The following LDLRAD4 variants were observed in gnomAD, a reference collection of about 807,000 sequenced individuals.
LDLRAD4 encodes the protein low density lipoprotein receptor class A domain containing 4.
Under a neutral mutation model 17.0 loss-of-function variants are expected in LDLRAD4, and 5 were observed. That is an observed-to-expected ratio of 0.29 (90% CI 0.15 to 0.62). LDLRAD4 has a LOEUF of 0.62. Among genes scored for constraint, LDLRAD4 ranks in the 20% least tolerant of loss-of-function variants. The pLI, the probability that LDLRAD4 is intolerant of heterozygous loss-of-function variation, is 0.84. For synonymous variants in LDLRAD4, 168 were observed against 171.8 expected (o/e 0.98, Z 0.17); for missense variants, 340 against 424.7 (o/e 0.80, Z 1.75).
At chr18:13,413,913 AT>A (rs1344542039) in intron 2 of LDLRAD4, among the ~76,000 whole-genome samples, 147 of 150,528 alleles carry the variant, frequency 9.8e-4, no homozygotes, top group African/African-American at 2.1e-3. Flanking sequence ...AAAAAAAAAA[AT>A]TTTTTTTTAA....
chr18:13,597,066 C>T (rs1340023049), intron 3 of LDLRAD4, among the ~76,000 whole-genome samples: 1 of 152,170 alleles, frequency 6.6e-6, no homozygotes, highest in Non-Finnish European at 1.5e-5. Flanking sequence ...TTGCTTTCAA[C>T]CTAAAGAAAT....
chr18:13,513,326 C>T (rs116902067), intron 3 of LDLRAD4, among the ~76,000 whole-genome samples: 7,634 of 152,294 alleles, frequency 0.05, 274 homozygotes, highest in Non-Finnish European at 0.074. Flanking sequence ...TGCTTCAGAA[C>T]ACATTTAGAG....
chr18:13,574,814 A>G (rs762603774), intron 3 of LDLRAD4, among the ~76,000 whole-genome samples: 8 of 152,238 alleles, frequency 5.3e-5, no homozygotes, highest in Non-Finnish European at 1.2e-4. Flanking sequence ...CCATGTTCCA[A>G]GCTGTAGCCA....
rs191664290 is a variant in LDLRAD4 at position 13,401,895 on chromosome 18, T to C, written c.40+14133T>C. 2.6e-5 allele frequency among the ~76,000 whole-genome samples: 4 copies of C among 152,278 alleles called. No individual in the cohort carries two copies. The East Asian group carries it at 5.8e-4, about 22-fold the overall frequency. ...CTTCCCTGAGGTTTGTGGACTGACT[T>C]CCCTGCTGGAAGTTACTCTCACGCT... On this transcript the variant is annotated intron_variant, in intron 2 of 5. Coordinates refer to ENST00000359446, the Ensembl canonical transcript of LDLRAD4.
intron 3 of LDLRAD4, among the ~76,000 whole-genome samples, chr18:13,546,603 A>G (rs1223152487): frequency 2.6e-5 from 4 of 151,776 alleles, no homozygotes; most frequent in Admixed American, 2.6e-4. Context: ...TTTTTTAAAT[A>G]CCACACACTA....
At position 13,621,217 on chromosome 18, in the gene LDLRAD4, G is replaced by A; in HGVS notation, c.282G>A (p.Arg94=). ...TGAACCACTACAAAGTCTCCACGCG[G>A]TCCTTCATCAACCGCCCGAACCAGA... The change falls in exon 4 of 6, where the codon CGG becomes CGA. Residue 94 remains arginine, a synonymous_variant. Coordinates refer to ENST00000359446, the Ensembl canonical transcript of LDLRAD4. The surrounding 1 kb of genome is among the most constrained non-coding windows in gnomAD (Gnocchi z 5.5). The A allele has an allele frequency of 6.2e-7, 1 of 1,614,052 alleles. No homozygotes were observed. The highest frequency in any genetic ancestry group is 8.5e-7 in the Non-Finnish European group (1 of 1,180,038).
chr18:13,552,132 G>A (rs1197191045), intron 3 of LDLRAD4, among the ~76,000 whole-genome samples: 1 of 152,214 alleles, frequency 6.6e-6, no homozygotes, highest in African/African-American at 2.4e-5. Flanking sequence ...AGATTTGGAG[G>A]AGACAGACAT....
intron 3 of LDLRAD4, among the ~76,000 whole-genome samples, chr18:13,578,827 C>CTGTTTTTTTTTTTTTTTTTTTTTTTTTT (rs2094812795): frequency 1.5e-5 from 1 of 65,676 alleles, no homozygotes; most frequent in Non-Finnish European, 2.8e-5. Flanking sequence ...TTGTCCGGGT[C>CTGTTTTTTTTTTTTTTTTTTTTTTTTTT]TTTTTTTTTT....
chr18:13,252,326 A>G (rs1309931029), intron 1 of LDLRAD4, among the ~76,000 whole-genome samples: 1 of 152,094 alleles, frequency 6.6e-6, no homozygotes, highest in Non-Finnish European at 1.5e-5. Context: ...ATGGGGTTTC[A>G]TCATGTTGGT....
intron 3 of LDLRAD4, among the ~76,000 whole-genome samples, chr18:13,439,041 G>A (rs1029989468): frequency 6.6e-6 from 1 of 152,136 alleles, no homozygotes; most frequent in African/African-American, 2.4e-5. Context: ...TGTTTCTCTG[G>A]GCTAAGTGAA....
At chr18:13,459,796 C>G (rs954641717) in intron 3 of LDLRAD4, among the ~76,000 whole-genome samples, 2 of 152,126 alleles carry the variant, frequency 1.3e-5, no homozygotes, top group African/African-American at 4.8e-5. Flanking sequence ...AGAAGAAAAC[C>G]CTTCCAGGTC....
chr18:13,223,212 G>T (rs930981311), intron 1 of LDLRAD4, among the ~76,000 whole-genome samples: 1 of 152,168 alleles, frequency 6.6e-6, no homozygotes, highest in Admixed American at 6.5e-5. Flanking sequence ...TGGCGTTAAG[G>T]TAGGGAAGGG....
At chr18:13,557,020 C>G (rs765580559) in intron 3 of LDLRAD4, among the ~76,000 whole-genome samples, 2 of 152,158 alleles carry the variant, frequency 1.3e-5, no homozygotes, top group Non-Finnish European at 2.9e-5. Flanking sequence ...CACGGCCAGG[C>G]TCAGTGGCAC....
chr18:13,454,001 C>T (rs905340774), intron 3 of LDLRAD4, among the ~76,000 whole-genome samples: 3 of 152,272 alleles, frequency 2.0e-5, no homozygotes, highest in Non-Finnish European at 2.9e-5. Flanking sequence ...CCGCCGACTG[C>T]GGGGACAGAG....
chr18:13,473,094 C>G (rs148424352), intron 3 of LDLRAD4, among the ~76,000 whole-genome samples: 29 of 151,146 alleles, frequency 1.9e-4, no homozygotes, highest in African/African-American at 6.8e-4. Context: ...GCCAGCACAT[C>G]AGATGGATTG....
chr18:13,307,449 G>T (rs541953720), intron 1 of LDLRAD4, among the ~76,000 whole-genome samples: 1 of 152,226 alleles, frequency 6.6e-6, no homozygotes, highest in South Asian at 2.1e-4. Context: ...ACAGGGTCTT[G>T]CAGTGTTGCC....
intron 1 of LDLRAD4, among the ~76,000 whole-genome samples, chr18:13,379,940 C>T (rs567877176): frequency 1.1e-3 from 161 of 148,452 alleles, no homozygotes; most frequent in African/African-American, 3.8e-3. Context: ...GGGGAGATCC[C>T]TGGGTGTGGA....
intron 1 of LDLRAD4, among the ~76,000 whole-genome samples, chr18:13,292,184 G>A (rs974785273): frequency 1.8e-4 from 27 of 152,198 alleles, no homozygotes; most frequent in African/African-American, 6.3e-4. Flanking sequence ...CTGCAGGCCA[G>A]ATTACTCTCC....
rs117208473 is a variant in LDLRAD4 at position 13,334,010 on chromosome 18, A to G, written c.-382-53331A>G. On this transcript the variant is annotated intron_variant, in intron 1 of 5. Transcript: ENST00000359446. Reference sequence around the variant, plus strand: ...GCTGGGAAGAACTGACATGTTGACAATATTGAGTATTCCTATCCATGGACA... The same window carrying G: ...GCTGGGAAGAACTGACATGTTGACAGTATTGAGTATTCCTATCCATGGACA... 4.8e-4 allele frequency among the ~76,000 whole-genome samples: 73 copies of G among 152,330 alleles called. 1 individual carries two copies. The East Asian group carries it at 0.012, about 24-fold the overall frequency.
Sources: allele counts gnomAD v4.1 joint callset (sites outside exome capture counted in the v4.1 genomes callset), GRCh38; gene constraint gnomAD v4.1.1; non-coding constraint Gnocchi (gnomAD v3.1); transcripts MANE v1.5; gene names NCBI Gene and HGNC (gene_info 2026-07-23, HGNC 2026-07-21).